BCL7B: variants seen among roughly 807,000 people sequenced by gnomAD.
BCL7B encodes the protein BAF chromatin remodeling complex subunit BCL7B, also known as B-cell CLL/lymphoma 7 protein family member B.
In BCL7B, 11 loss-of-function variants were observed where a neutral mutation model predicts 26.5. The ratio of observed to expected loss-of-function variants is 0.42; its 90% CI spans 0.26 to 0.69. The LOEUF (loss-of-function observed/expected upper bound fraction) is 0.69. Among genes scored for constraint, BCL7B ranks in the 30% least tolerant of loss-of-function variants. The pLI, the probability that BCL7B is intolerant of heterozygous loss-of-function variation, is 0.28. For synonymous variants in BCL7B, 111 were observed against 107.9 expected (o/e 1.03, Z -0.18); for missense variants, 215 against 264.4 (o/e 0.81, Z 1.30).
In BCL7B at chr7:73,540,092, T is replaced by G. The variant is rs782358343; in HGVS notation, c.266-40A>C. The G allele has an allele frequency of 3.5e-5, 55 of 1,589,542 alleles. 3 individuals carry two copies. The South Asian group carries it at 6.2e-4, about 18-fold the overall frequency. ...GAACAAAGGCAGCAGCTGAGCGTGG[T>G]CATTTTCCTCAAGAGGAACTCTGGA... On this transcript the variant is annotated intron_variant, in intron 3 of 5. Coordinates refer to ENST00000223368, the MANE Select transcript of BCL7B (RefSeq NM_001707.4).
chr7:73,557,154 G>C (rs1408031696), intron 1 of BCL7B: 1 of 1,011,726 alleles, frequency 9.9e-7, no homozygotes, highest in East Asian at 9.4e-5. Context: ...CCACTGCCCA[G>C]GAAGAGGGGA....
At chr7:73,540,915 G>C (rs1791746281) in intron 3 of BCL7B, among the ~76,000 whole-genome samples, 1 of 148,906 alleles carries the variant, frequency 6.7e-6, no homozygotes, top group African/African-American at 2.5e-5. Context: ...GGGAGGCCAA[G>C]GTGGGCGGAT....
At chr7:73,543,505 A>G (rs781964454) in intron 3 of BCL7B, 43 bp downstream of exon 3, 3 of 1,570,562 alleles carry the variant, frequency 1.9e-6, no homozygotes, top group Non-Finnish European at 2.6e-6. Flanking sequence ...CATTCATCCA[A>G]GTTTTCATTC....
chr7:73,544,421 T>A (rs1340308474), intron 2 of BCL7B, among the ~76,000 whole-genome samples: 1 of 149,762 alleles, frequency 6.7e-6, no homozygotes, highest in Non-Finnish European at 1.5e-5. Context: ...TAAAAAAACA[T>A]AAAATAAAAC....
chr7:73,540,750 A>G (rs556135119), intron 3 of BCL7B, among the ~76,000 whole-genome samples: 2 of 144,860 alleles, frequency 1.4e-5, no homozygotes, highest in Non-Finnish European at 3.0e-5. Context: ...GAATGGCATG[A>G]ACCTAGAAGG....
At chr7:73,549,462 G>T (rs908876946) in intron 2 of BCL7B, among the ~76,000 whole-genome samples, 1 of 152,056 alleles carries the variant, frequency 6.6e-6, no homozygotes, top group Admixed American at 6.6e-5. Flanking sequence ...GATCCCTTGA[G>T]CCCAAAAGTT....
At chr7:73,553,804 C>T (rs189893749) in intron 1 of BCL7B, 9 of 154,602 alleles carry the variant, frequency 5.8e-5, no homozygotes, top group Middle Eastern at 5.2e-4. Context: ...CAGTCCACTA[C>T]GCTCACGAAA....
intron 4 of BCL7B, among the ~76,000 whole-genome samples, chr7:73,539,472 G>C (rs1023371448): frequency 1.3e-5 from 2 of 149,166 alleles, no homozygotes; most frequent in Non-Finnish European, 3.0e-5. Context: ...GGCTGGTCTT[G>C]AACTCCTGGC....
intron 3 of BCL7B, among the ~76,000 whole-genome samples, chr7:73,541,454 C>T (rs2115750701): frequency 6.6e-6 from 1 of 151,218 alleles, no homozygotes; most frequent in Admixed American, 6.6e-5. Flanking sequence ...GGAGAAATGT[C>T]ATACCCAGTA....
chr7:73,557,449 C>T (rs781969026), intron 1 of BCL7B, 38 bp downstream of exon 1: 3 of 1,305,306 alleles, frequency 2.3e-6, no homozygotes, highest in Non-Finnish European at 3.0e-6. Flanking sequence ...GGCCTGGATC[C>T]GCGACCCCCG....
chr7:73,541,958 CTT>C (rs1261734829), intron 3 of BCL7B, among the ~76,000 whole-genome samples: 1 of 152,208 alleles, frequency 6.6e-6, no homozygotes, highest in Non-Finnish European at 1.5e-5. Flanking sequence ...GCTGCCTTCT[CTT>C]GTCCTGGAAA....
intron 2 of BCL7B, among the ~76,000 whole-genome samples, chr7:73,550,388 T>C (rs1332993101): frequency 6.6e-6 from 1 of 151,590 alleles, no homozygotes; most frequent in African/African-American, 2.4e-5. Context: ...CTACTTAAAA[T>C]AGAAAAATTA....
intron 3 of BCL7B, among the ~76,000 whole-genome samples, chr7:73,541,108 T>G (rs1246919383): frequency 1.4e-4 from 22 of 152,072 alleles, no homozygotes; most frequent in African/African-American, 5.1e-4. Flanking sequence ...GATCGTGCCA[T>G]TGCACTGTAG....
intron 3 of BCL7B, 81 bp downstream of exon 3, chr7:73,543,467 T>C (rs1554583150): frequency 7.5e-7 from 1 of 1,340,540 alleles, no homozygotes; most frequent in Non-Finnish European, 1.1e-6. Context: ...TGTGAGTCAC[T>C]GCACCTGGCC....
At chr7:73,540,559 G>A (rs12155134) in intron 3 of BCL7B, 6,743 of 157,684 alleles carry the variant, frequency 0.043, 198 homozygotes, top group Non-Finnish European at 0.066. Context: ...GGCCAGGCAC[G>A]GTGGCTCACG....
At chr7:73,544,823 C>T (rs954887041) in intron 2 of BCL7B, among the ~76,000 whole-genome samples, 8 of 151,968 alleles carry the variant, frequency 5.3e-5, no homozygotes, top group Non-Finnish European at 1.2e-4. Context: ...CTTGAGGAGG[C>T]GGAGGTGGGA....
At chr7:73,551,284 G>A (rs1160647529) in intron 2 of BCL7B, among the ~76,000 whole-genome samples, 1 of 152,070 alleles carries the variant, frequency 6.6e-6, no homozygotes, top group Non-Finnish European at 1.5e-5. Flanking sequence ...GCATACTTAT[G>A]TGTTTGGTTT....
At chr7:73,552,842 T>C (rs1216762670) in intron 1 of BCL7B, among the ~76,000 whole-genome samples, 1 of 152,032 alleles carries the variant, frequency 6.6e-6, no homozygotes, top group Non-Finnish European at 1.5e-5. Flanking sequence ...CACAGCACCA[T>C]ATTCTTTTTT....
chr7:73,552,120 TAAAG>T (rs782300504), intron 2 of BCL7B, 43 bp downstream of exon 2: 166 of 1,386,036 alleles, frequency 1.2e-4, no homozygotes, highest in Non-Finnish European at 1.5e-4. Flanking sequence ...GGCAATCAAA[TAAAG>T]AAATAAAGAA....
Sources: gnomAD v4.1 joint callset for allele counts (sites outside exome capture counted in the v4.1 genomes callset) on GRCh38, gnomAD v4.1.1 for gene constraint, MANE v1.5 for transcripts, NCBI Gene and HGNC (gene_info 2026-07-23, HGNC 2026-07-21) for gene names.